Variants in CASKIN1 observed in about 807,000 individuals in gnomAD.
CASKIN1 encodes caskin-1.
CASKIN1 carries 42 observed loss-of-function variants against 117.5 expected under a neutral mutation model. That is an observed-to-expected ratio of 0.36 (90% confidence interval 0.28 to 0.46). The LOEUF is 0.46. Ranked by LOEUF, CASKIN1 falls within the 20% of genes least tolerant of loss-of-function variation. The probability of loss-of-function intolerance (pLI) is 1.00; values close to 1 mark genes in which losing one functional copy is unlikely to be tolerated. For missense variants in CASKIN1, 2,083 were observed against 2,077.3 expected (o/e 1.00, Z -0.05); for synonymous variants, 1,148 against 961.7 (o/e 1.19, Z -3.59).
In CASKIN1 at chr16:2,180,092, C is replaced by T; in HGVS notation, c.3276G>A (p.Glu1092=). 2 of 1,563,642 alleles carry T rather than the reference C, an allele frequency of 1.3e-6. No individual in the cohort carries two copies. Among genetic ancestry groups the T allele is most frequent in the Non-Finnish European group, 1.7e-6 (2 of 1,155,338 alleles). Residue 1092 remains glutamate (E), a synonymous_variant, in exon 18 of 20, where the codon GAG becomes GAA. Transcript: ENST00000343516. The part of the protein sequence containing the change: ...GESADPGPFV[E]DGTGRQRPRG... ...GAGGCCGCTGCCGGCCAGTGCCATCCTCCACAAAGGGGCCTGGGTCTGCCG... is the reference window on the plus strand; with the variant it reads ...GAGGCCGCTGCCGGCCAGTGCCATCTTCCACAAAGGGGCCTGGGTCTGCCG...
At chr16:2,195,845 G>GC (rs2093214074) in intron 1 of CASKIN1, among the ~76,000 whole-genome samples, 1 of 152,162 alleles carries the variant, frequency 6.6e-6, no homozygotes, top group Admixed American at 6.5e-5. Context: ...GCGTGGTCCT[G>GC]CCCCCACCTT....
At position 2,180,661 on chromosome 16, in the gene CASKIN1, C is replaced by T; in HGVS notation, c.2707G>A (p.Ala903Thr). ...TGGACCGTGGCATAGGGGCCGGCAGCCGCAGGCACCAGCAGCTCGTCCCGC... is the reference window on the plus strand; with the variant it reads ...TGGACCGTGGCATAGGGGCCGGCAGTCGCAGGCACCAGCAGCTCGTCCCGC... ...PERDELLVPA[A>T]AGPYATVQRR... Residue 903 changes from alanine (A) to threonine (T), a missense_variant, in exon 18 of 20, where the codon GCT becomes ACT. By Grantham distance (58) the Ala-to-Thr change is moderately conservative (BLOSUM62 0). Around this residue, in one of 3 missense-constraint regions of CASKIN1, gnomAD observed 1,818 missense variants for 1,688.9 expected, o/e 1.08. Coordinates refer to ENST00000343516, the MANE Select transcript of CASKIN1 (RefSeq NM_020764.4). 6.6e-7 allele frequency: 1 copy of T among 1,526,426 alleles called. No homozygotes were observed. Among genetic ancestry groups the T allele is most frequent in the Non-Finnish European group, 8.8e-7 (1 of 1,141,728 alleles). 94.6% of individuals were successfully genotyped at this position (1,526,426 alleles called of 1,614,324 possible).
chr16:2,185,622 T>C (rs1334667496), intron 10 of CASKIN1, among the ~76,000 whole-genome samples: 1 of 152,230 alleles, frequency 6.6e-6, no homozygotes, highest in African/African-American at 2.4e-5. Flanking sequence ...ATCCTGCCGG[T>C]GGCCCTGGGG....
At position 2,184,938 on chromosome 16, in the gene CASKIN1, C is replaced by T; in HGVS notation, c.1324+13G>A. The T allele has an allele frequency of 6.3e-7, 1 of 1,594,994 alleles. No individual in the cohort carries two copies. Among genetic ancestry groups the T allele is most frequent in the African/African-American group, 1.3e-5 (1 of 74,642 alleles). ...TCCTCCATCGGGCTGCGTGGCAGCACCCTTGCTCTTACCTGCAGAGCCTTC... is the reference window on the plus strand; with the variant it reads ...TCCTCCATCGGGCTGCGTGGCAGCATCCTTGCTCTTACCTGCAGAGCCTTC... On this transcript the variant is annotated intron_variant, in intron 13 of 19. Coordinates refer to ENST00000343516, the MANE Select transcript of CASKIN1 (RefSeq NM_020764.4).
At chr16:2,193,958 G>C (rs2093208134) in intron 1 of CASKIN1, among the ~76,000 whole-genome samples, 1 of 152,194 alleles carries the variant, frequency 6.6e-6, no homozygotes, top group African/African-American at 2.4e-5. Context: ...GCAGAGCATG[G>C]CTGGAGGGGG....
At position 2,196,325 on chromosome 16, in the gene CASKIN1, C is replaced by A. The variant is rs1042840888; in HGVS notation, c.94+14G>T. 3 of 1,210,414 alleles carry A rather than the reference C, an allele frequency of 2.5e-6. No homozygotes were observed. The highest frequency in any genetic ancestry group is 2.4e-5 in the South Asian group (1 of 42,546). The allele number at this position is 1,210,414 out of a possible 1,614,324, so 75.0% of individuals were successfully genotyped here. A position where few individuals can be genotyped will look rare whatever the true frequency, so the allele number is the denominator to read the frequency against. ...CCGGGGCTCCCACCCGCGCCCCGCG[C>A]CCCCGGCACTCACTGGCCTTCCCGG... On this transcript the variant is annotated intron_variant, in intron 1 of 19. Transcript: ENST00000343516. This position sits in a 1 kb window ranked among gnomAD's most constrained non-coding sequence, Gnocchi z 5.7.
At chr16:2,188,735 T>C (rs2093192168) in intron 6 of CASKIN1, among the ~76,000 whole-genome samples, 1 of 152,146 alleles carries the variant, frequency 6.6e-6, no homozygotes, top group Admixed American at 6.5e-5. Context: ...TAGGCGCTGC[T>C]GTGAACCCCA....
rs1596683896 is a variant in CASKIN1 at position 2,178,699 on chromosome 16, C to T, written c.4200-53G>A. Reference sequence around the variant, plus strand: ...GTGGGCGGGGCGGGTCTGGCCACGCCCACCCCGACCAGGACACGCCCACGT... The same window carrying T: ...GTGGGCGGGGCGGGTCTGGCCACGCTCACCCCGACCAGGACACGCCCACGT... On this transcript the variant is annotated intron_variant, in intron 19 of 19. Coordinates refer to ENST00000343516, the MANE Select transcript of CASKIN1 (RefSeq NM_020764.4). 23 of 1,492,980 alleles carry T rather than the reference C, an allele frequency of 1.5e-5. No homozygotes were observed. In the East Asian group the frequency reaches 5.9e-4, roughly 38 times the overall value. The allele number at this position is 1,492,980 out of a possible 1,614,324, so 92.5% of individuals were successfully genotyped here.
rs752543014 is a variant in CASKIN1, at chr16:2,183,933, C to G, written c.1425G>C (p.Glu475Asp). ...LEPASEGKSS[E>D]AVSQWLTAFQ... ...ACGCGGTGAGCCACTGGCTCACGGC[C>G]TCAGAGCTCTGGAAGACACAAGGCA... Residue 475 changes from glutamate to aspartate, a missense_variant, in exon 15 of 20, where the codon GAG becomes GAC. By Grantham distance (45) the Glu-to-Asp change is conservative. Transcript: ENST00000343516. 1.2e-6 allele frequency: 2 copies of G among 1,600,280 alleles called. No homozygotes were observed. Among genetic ancestry groups the G allele is most frequent in the African/African-American group, 1.3e-5 (1 of 74,892 alleles).
At chr16:2,194,833 C>G (rs2093211095) in intron 1 of CASKIN1, among the ~76,000 whole-genome samples, 1 of 152,152 alleles carries the variant, frequency 6.6e-6, no homozygotes, top group South Asian at 2.1e-4. Flanking sequence ...AGAGCTGAAG[C>G]CCCCACTTCC....
chr16:2,184,028 G>T, intron 14 of CASKIN1, 87 bp from the exon 15 acceptor site: 1 of 876,600 alleles, frequency 1.1e-6, no homozygotes, highest in Non-Finnish European at 1.7e-6. Context: ...TGGCCGGCCA[G>T]CCGTGCAGCC....
At chr16:2,184,723 G>A (rs2093178561) in intron 14 of CASKIN1, 54 bp downstream of exon 14, 14 of 1,403,388 alleles carry the variant, frequency 1.0e-5, no homozygotes, top group East Asian at 2.6e-5. Flanking sequence ...TCAGCCCATC[G>A]GCCTTACAGC....
chr16:2,196,302 G>C lies in CASKIN1; in HGVS notation c.94+37C>G. Reference sequence around the variant, plus strand: ...GGCTCCGCGCCGGGGAGGGGCCCCCGGGGCTCCCACCCGCGCCCCGCGCCC... The same window carrying C: ...GGCTCCGCGCCGGGGAGGGGCCCCCCGGGCTCCCACCCGCGCCCCGCGCCC... On this transcript the variant is annotated intron_variant, in intron 1 of 19. Transcript: ENST00000343516. The surrounding 1 kb of genome is among the most constrained non-coding windows in gnomAD (Gnocchi z 5.7). 1 of 1,040,224 alleles carries C rather than the reference G, an allele frequency of 9.6e-7. No individual in the cohort carries two copies. The highest frequency in any genetic ancestry group is 1.2e-6 in the Non-Finnish European group (1 of 840,186). The allele number at this position is 1,040,224 out of a possible 1,614,324, so 64.4% of individuals were successfully genotyped here.
At position 2,180,560 on chromosome 16, in the gene CASKIN1, A is replaced by G; in HGVS notation, c.2808T>C (p.Phe936=). The change falls in exon 18 of 20, where the codon TTT becomes TTC. Residue 936 remains phenylalanine (F), a synonymous_variant. Transcript: ENST00000343516. ...ADKNVNRSQS[F]AVRPRKKGPP... ...GCCCCTTCTTTCGGGGCCGCACGGC[A>G]AAGGACTGGCTGCGGTTGACGTTCT... 1.9e-6 allele frequency: 3 copies of G among 1,557,742 alleles called. No homozygotes were observed. The highest frequency in any genetic ancestry group is 2.6e-6 in the Non-Finnish European group (3 of 1,158,500).
At position 2,183,517 on chromosome 16, in the gene CASKIN1, G is replaced by A. The variant is rs1182398708; in HGVS notation, c.1629+129C>T. On this transcript the variant is annotated intron_variant, in intron 16 of 19. Coordinates refer to ENST00000343516, the MANE Select transcript of CASKIN1 (RefSeq NM_020764.4). ...GATCGGGAGGCTCCCTGCTAGCAGG[G>A]CATCCTCCACTCTCCTCTCCCTCAA... The A allele has an allele frequency of 7.0e-6, 6 of 851,502 alleles. No individual in the cohort carries two copies. The East Asian group carries it at 1.6e-4, about 23-fold the overall frequency. 52.7% of individuals were successfully genotyped at this position (851,502 alleles called of 1,614,324 possible).
rs1270064314 is a variant in CASKIN1 at position 2,180,626 on chromosome 16, C to T, written c.2742G>A (p.Val914=). The T allele has an allele frequency of 4.5e-6, 7 of 1,556,738 alleles. No individual in the cohort carries two copies. The highest frequency in any genetic ancestry group is 6.0e-6 in the Non-Finnish European group (7 of 1,159,032). ...AGPYATVQRR[V]GRSHSVRAPA... ...GCGCCCTCACTGAGTGGCTGCGGCC[C>T]ACGCGCCGCTGGACCGTGGCATAGG... The change falls in exon 18 of 20, where the codon GTG becomes GTA. Residue 914 remains valine, a synonymous_variant. Coordinates refer to ENST00000343516, the MANE Select transcript of CASKIN1 (RefSeq NM_020764.4).
intron 1 of CASKIN1, among the ~76,000 whole-genome samples, chr16:2,194,395 G>A (rs1439810010): frequency 6.6e-6 from 1 of 152,156 alleles, no homozygotes; most frequent in Non-Finnish European, 1.5e-5. Context: ...TCCCTTCAGG[G>A]CAGGGCGAGT....
Position 2,195,970 on chromosome 16 carries a change from G to A in CASKIN1, c.94+369C>T, listed in dbSNP as rs868584060. ...TCCCTGTCTTCCCGGTGCGTGTGGT[G>A]GGTGGGGGGGGCATCCGCCTCGCCC... On this transcript the variant is annotated intron_variant, in intron 1 of 19. Coordinates refer to ENST00000343516, the MANE Select transcript of CASKIN1 (RefSeq NM_020764.4). Among the ~76,000 whole-genome samples the A allele has an allele frequency of 2.0e-5, 3 of 146,730 alleles. No homozygotes were observed. The East Asian group carries it at 5.9e-4, about 29-fold the overall frequency.
rs1202125457 is a variant in CASKIN1 at position 2,180,472 on chromosome 16, G to A, written c.2896C>T (p.Pro966Ser). 1 of 1,551,978 alleles carries A rather than the reference G, an allele frequency of 6.4e-7. No homozygotes were observed. Residue 966 changes from proline to serine, a missense_variant, in exon 18 of 20, where the codon CCG (proline) becomes TCG (serine). Transcript: ENST00000343516. ...ALASANLADEPVPDAEPEDGL... is the reference protein window; with the variant it reads ...ALASANLADESVPDAEPEDGL... ...TCCTCAGGCTCGGCGTCAGGCACCG[G>A]CTCATCCGCCAGGTTGGCACTAGCC...
Sources: gnomAD v4.1 joint callset for allele counts (sites outside exome capture counted in the v4.1 genomes callset) on GRCh38, gnomAD v4.1.1 for gene constraint, gnomAD v4.1.1 regional missense constraint, Gnocchi (gnomAD v3.1) non-coding constraint, MANE v1.5 for transcripts, NCBI Gene and HGNC (gene_info 2026-07-23, HGNC 2026-07-21) for gene names.